The following CNTNAP2 variants were observed in gnomAD, a reference collection of about 807,000 sequenced individuals.
The protein encoded by CNTNAP2 is contactin-associated protein-like 2.
CNTNAP2 carries 98 observed loss-of-function variants against 155.2 expected under a neutral mutation model. The observed-to-expected ratio is 0.63, with a 90% CI of 0.54 to 0.75. CNTNAP2 has a LOEUF of 0.75. CNTNAP2 is among the 30% of genes least tolerant of loss of function. The pLI, the probability that CNTNAP2 is intolerant of heterozygous loss-of-function variation, is 0.00. For synonymous variants in CNTNAP2, 651 were observed against 631.2 expected, an observed-to-expected ratio of 1.03 and a Z score of -0.47; for missense variants, 1,727 against 1,688.1, an observed-to-expected ratio of 1.02 and a Z score of -0.40.
intron 1 of CNTNAP2, among the ~76,000 whole-genome samples, chr7:146,616,894 T>A (rs1448943387): frequency 4.6e-5 from 7 of 152,210 alleles, no homozygotes; most frequent in African/African-American, 1.4e-4. Flanking sequence ...TACAGTTTAT[T>A]CCATAGAAAA....
chr7:146,619,648 A>G (rs529416148), intron 1 of CNTNAP2, among the ~76,000 whole-genome samples: 48 of 152,286 alleles, frequency 3.2e-4, no homozygotes, highest in African/African-American at 1.1e-3. Flanking sequence ...GTGTCTATTC[A>G]GTTTTAGACT....
intron 1 of CNTNAP2, among the ~76,000 whole-genome samples, chr7:146,149,715 T>C (rs955420618): frequency 6.6e-6 from 1 of 151,984 alleles, no homozygotes; most frequent in Non-Finnish European, 1.5e-5. Context: ...AAAATAAATC[T>C]TGATACTTCA....
intron 1 of CNTNAP2, among the ~76,000 whole-genome samples, chr7:146,375,383 ATCT>A (rs1270469536): frequency 6.6e-6 from 1 of 152,228 alleles, no homozygotes; most frequent in African/African-American, 2.4e-5. Context: ...ATCACAGATA[ATCT>A]TCTTCCAGCT....
intron 13 of CNTNAP2, among the ~76,000 whole-genome samples, chr7:147,892,415 T>C (rs902306193): frequency 6.6e-6 from 1 of 152,216 alleles, no homozygotes; most frequent in African/African-American, 2.4e-5. Context: ...TCCATCACTT[T>C]GGTATTAATC....
intron 13 of CNTNAP2, among the ~76,000 whole-genome samples, chr7:147,641,764 G>C (rs1795281886): frequency 6.6e-6 from 1 of 152,062 alleles, no homozygotes; most frequent in Admixed American, 6.6e-5. Context: ...AAGCCAGGAA[G>C]AGAGCCCTCA....
chr7:147,059,631 A>G (rs1799625595), intron 4 of CNTNAP2, among the ~76,000 whole-genome samples: 1 of 152,094 alleles, frequency 6.6e-6, no homozygotes, highest in South Asian at 2.1e-4. Flanking sequence ...TCAGAACTAT[A>G]CCTAGTAGGA....
chr7:146,915,434 C>T (rs1304592499), intron 3 of CNTNAP2, among the ~76,000 whole-genome samples: 6 of 152,086 alleles, frequency 3.9e-5, no homozygotes, highest in Non-Finnish European at 8.8e-5. Context: ...TTGATTCTAC[C>T]CATGCATGAG....
chr7:147,252,838 C>T (rs1005977543), intron 8 of CNTNAP2, among the ~76,000 whole-genome samples: 1 of 152,106 alleles, frequency 6.6e-6, no homozygotes, highest in African/African-American at 2.4e-5. Context: ...AAGAATTATC[C>T]CCATTTTATA....
intron 1 of CNTNAP2, among the ~76,000 whole-genome samples, chr7:146,378,092 C>G (rs186903714): frequency 2.6e-5 from 4 of 152,256 alleles, no homozygotes; most frequent in Admixed American, 1.3e-4. Flanking sequence ...TCTTACTTAT[C>G]GCCACATCAG....
intron 1 of CNTNAP2, among the ~76,000 whole-genome samples, chr7:146,234,656 G>A (rs1315230095): frequency 1.3e-5 from 2 of 151,982 alleles, no homozygotes; most frequent in African/African-American, 2.4e-5. Context: ...GTAAGGAAGG[G>A]ATCCAGTTTC....
At chr7:147,994,826 G>C (rs1412597980) in intron 15 of CNTNAP2, among the ~76,000 whole-genome samples, 1 of 152,124 alleles carries the variant, frequency 6.6e-6, no homozygotes, top group East Asian at 1.9e-4. Context: ...AAAACTTCTG[G>C]ACACCAGTGT....
chr7:148,008,327 A>G (rs111790320), intron 15 of CNTNAP2, among the ~76,000 whole-genome samples: 10,072 of 152,114 alleles, frequency 0.066, 762 homozygotes, highest in African/African-American at 0.19. Flanking sequence ...AGTGGAGATC[A>G]CGCCACTACA....
At chr7:147,181,043 G>A (rs1802446834) in intron 8 of CNTNAP2, among the ~76,000 whole-genome samples, 1 of 152,058 alleles carries the variant, frequency 6.6e-6, no homozygotes, top group South Asian at 2.1e-4. Context: ...ATTTTGAAAA[G>A]GAAATGGCAG....
At chr7:147,102,290 A>AAAAAAAAAG (rs1800673328) in intron 4 of CNTNAP2, among the ~76,000 whole-genome samples, 1 of 151,440 alleles carries the variant, frequency 6.6e-6, no homozygotes, top group Non-Finnish European at 1.5e-5. Flanking sequence ...AAGAAAAAAA[A>AAAAAAAAAG]AAAAAAAGAA....
chr7:147,079,747 C>G (rs1310844958), intron 4 of CNTNAP2, among the ~76,000 whole-genome samples: 1 of 151,964 alleles, frequency 6.6e-6, no homozygotes, highest in Non-Finnish European at 1.5e-5. Context: ...AGTATATAAT[C>G]TGTGTGCTAT....
intron 9 of CNTNAP2, among the ~76,000 whole-genome samples, chr7:147,355,674 A>T (rs1243613601): frequency 1.3e-5 from 2 of 152,134 alleles, no homozygotes; most frequent in Non-Finnish European, 2.9e-5. Context: ...ATGCAAATAA[A>T]CTAGAAAATC....
chr7:147,062,060 A>G (rs374782552), intron 4 of CNTNAP2, among the ~76,000 whole-genome samples: 5,364 of 135,858 alleles, frequency 0.039, 1 homozygote, highest in African/African-American at 0.13. Flanking sequence ...CCCGGGAGGC[A>G]GAGCTTGCAG....
intron 3 of CNTNAP2, among the ~76,000 whole-genome samples, chr7:146,981,637 T>C (rs1490002487): frequency 6.6e-6 from 1 of 152,212 alleles, no homozygotes; most frequent in African/African-American, 2.4e-5. Flanking sequence ...GTAAACAATG[T>C]GTATTCTGGC....
At chr7:146,592,448 G>T (rs537894486) in intron 1 of CNTNAP2, among the ~76,000 whole-genome samples, 1 of 152,286 alleles carries the variant, frequency 6.6e-6, no homozygotes, top group African/African-American at 2.4e-5. Flanking sequence ...CTGCTCCAGA[G>T]TCTACTGAGA....
Sources: gnomAD v4.1 joint callset for allele counts (sites outside exome capture counted in the v4.1 genomes callset) on GRCh38, gnomAD v4.1.1 for gene constraint, MANE v1.5 for transcripts, NCBI Gene and HGNC (gene_info 2026-07-23, HGNC 2026-07-21) for gene names.